EYA2: variants seen among roughly 807,000 people sequenced by gnomAD.
EYA2 encodes the protein EYA transcriptional coactivator and phosphatase 2.
A neutral mutation model predicts 69.2 loss-of-function variants in EYA2; 31 were observed. That is an observed-to-expected ratio of 0.45 (90% CI 0.34 to 0.60). EYA2 has a LOEUF of 0.60. Ranked by LOEUF, EYA2 falls within the 20% of genes least tolerant of loss-of-function variation. The probability of loss-of-function intolerance (pLI) is 0.02; values close to 1 mark genes in which losing one functional copy is unlikely to be tolerated. For synonymous variants in EYA2, 257 were observed against 279.4 expected, an observed-to-expected ratio of 0.92 and a Z score of 0.80; for missense variants, 622 against 701.2, an observed-to-expected ratio of 0.89 and a Z score of 1.28.
At chr20:47,032,516 AAC>A (rs1238602257) in intron 5 of EYA2, among the ~76,000 whole-genome samples, 1 of 152,116 alleles carries the variant, frequency 6.6e-6, no homozygotes, top group African/African-American at 2.4e-5. Context: ...TGTTTTTTTA[AAC>A]ACAAGTAATA....
chr20:46,918,169 A>C (rs1255418255), intron 1 of EYA2, among the ~76,000 whole-genome samples: 2 of 151,692 alleles, frequency 1.3e-5, no homozygotes, highest in East Asian at 4.0e-4. Context: ...AAAATACAAA[A>C]AATTAGCCGG....
At chr20:47,096,789 G>A (rs556351479) in intron 8 of EYA2, among the ~76,000 whole-genome samples, 10 of 152,270 alleles carry the variant, frequency 6.6e-5, no homozygotes, top group South Asian at 2.1e-4. Flanking sequence ...TATGATTTTC[G>A]TTGTTGATTT....
At chr20:47,167,786 C>A (rs1301658241) in intron 10 of EYA2, among the ~76,000 whole-genome samples, 1 of 152,120 alleles carries the variant, frequency 6.6e-6, no homozygotes, top group Non-Finnish European at 1.5e-5. Flanking sequence ...ACCTCAAGAT[C>A]TCTAACTGAA....
chr20:47,145,814 T>C (rs2033688609), intron 10 of EYA2, among the ~76,000 whole-genome samples: 1 of 151,124 alleles, frequency 6.6e-6, no homozygotes, highest in Non-Finnish European at 1.5e-5. Flanking sequence ...GGCAGGAGAA[T>C]CACTTGAACC....
chr20:46,970,743 G>A (rs1980088131), intron 1 of EYA2, among the ~76,000 whole-genome samples: 1 of 152,148 alleles, frequency 6.6e-6, no homozygotes, highest in South Asian at 2.1e-4. Flanking sequence ...TGTCCAGGAT[G>A]TATTTTTAAA....
chr20:47,092,362 A>C (rs540723194), intron 8 of EYA2, among the ~76,000 whole-genome samples: 1 of 152,278 alleles, frequency 6.6e-6, no homozygotes, highest in South Asian at 2.1e-4. Context: ...TTAAAGCTCC[A>C]TCCTTTCCCC....
intron 5 of EYA2, among the ~76,000 whole-genome samples, chr20:47,043,823 A>G (rs568951860): frequency 5.1e-4 from 77 of 152,206 alleles, no homozygotes; most frequent in Non-Finnish European, 8.7e-4. Flanking sequence ...TGAGTGGGTC[A>G]ATAGAAGCTG....
At chr20:47,042,969 G>A (rs1985161682) in intron 5 of EYA2, among the ~76,000 whole-genome samples, 1 of 152,176 alleles carries the variant, frequency 6.6e-6, no homozygotes, top group South Asian at 2.1e-4. Context: ...TGCCGCTCCA[G>A]TTGGATTTTC....
intron 5 of EYA2, among the ~76,000 whole-genome samples, chr20:47,022,716 C>T (rs1285967766): frequency 2.3e-5 from 3 of 128,458 alleles, no homozygotes; most frequent in Non-Finnish European, 4.6e-5. Context: ...TGCAGTGGTG[C>T]GATGACAGCT....
chr20:46,981,234 G>T (rs1382328447), intron 1 of EYA2, among the ~76,000 whole-genome samples: 1 of 152,158 alleles, frequency 6.6e-6, no homozygotes, highest in Non-Finnish European at 1.5e-5. Flanking sequence ...AAAATTGCCT[G>T]GTGTATAATA....
At chr20:47,086,224 T>C (rs954285441) in intron 7 of EYA2, among the ~76,000 whole-genome samples, 1 of 152,018 alleles carries the variant, frequency 6.6e-6, no homozygotes, top group African/African-American at 2.4e-5. Context: ...AGTGGCTCAT[T>C]CCTGTAATCC....
At chr20:46,930,050 C>T (rs1469206488) in intron 1 of EYA2, among the ~76,000 whole-genome samples, 5 of 152,058 alleles carry the variant, frequency 3.3e-5, no homozygotes, top group Non-Finnish European at 5.9e-5. Flanking sequence ...ATAGGAGGAG[C>T]GTAAAAGCAA....
chr20:46,991,575 A>G (rs1981661432), intron 2 of EYA2, among the ~76,000 whole-genome samples: 1 of 152,206 alleles, frequency 6.6e-6, no homozygotes, highest in Non-Finnish European at 1.5e-5. Context: ...TCTGGCCCTG[A>G]AGTTTGTCTT....
intron 1 of EYA2, among the ~76,000 whole-genome samples, chr20:46,915,360 C>A (rs549990404): frequency 6.6e-6 from 1 of 152,224 alleles, no homozygotes; most frequent in East Asian, 1.9e-4. Context: ...TTATGCCCCT[C>A]TCATGGCCTG....
At chr20:46,915,375 C>T (rs568160342) in intron 1 of EYA2, among the ~76,000 whole-genome samples, 10 of 152,318 alleles carry the variant, frequency 6.6e-5, no homozygotes, top group Admixed American at 4.6e-4. Flanking sequence ...GGCCTGGATA[C>T]GCCATTCTTT....
At chr20:47,151,235 G>A (rs891813539) in intron 10 of EYA2, among the ~76,000 whole-genome samples, 8 of 151,832 alleles carry the variant, frequency 5.3e-5, no homozygotes, top group South Asian at 2.1e-4. Context: ...GCAGGTCATC[G>A]TGGTGGGCAC....
chr20:46,959,752 C>T (rs1206768), intron 1 of EYA2, among the ~76,000 whole-genome samples: 20,816 of 152,244 alleles, frequency 0.14, 3,299 homozygotes, highest in African/African-American at 0.39. Context: ...CCAACCCCCA[C>T]GTCGTTGTCC....
At chr20:47,111,128 C>G (rs1363719960) in intron 9 of EYA2, among the ~76,000 whole-genome samples, 3 of 152,134 alleles carry the variant, frequency 2.0e-5, no homozygotes, top group African/African-American at 7.2e-5. Context: ...TGCAGTTGGT[C>G]CTAATTGAAG....
chr20:46,915,784 G>A (rs927243507), intron 1 of EYA2, among the ~76,000 whole-genome samples: 1 of 152,174 alleles, frequency 6.6e-6, no homozygotes, highest in South Asian at 2.1e-4. Context: ...GAGGGTCTCA[G>A]TCATGGCCAC....
Sources: allele counts gnomAD v4.1 joint callset (sites outside exome capture counted in the v4.1 genomes callset), GRCh38; gene constraint gnomAD v4.1.1; transcripts MANE v1.5; gene names NCBI Gene and HGNC (gene_info 2026-07-23, HGNC 2026-07-21).